Variants in PCSK5 observed in about 807,000 individuals in gnomAD.
The protein encoded by PCSK5 is proprotein convertase subtilisin/kexin type 5.
Under a neutral mutation model 233.2 loss-of-function variants are expected in PCSK5, and 129 were observed. That is an observed-to-expected ratio of 0.55 (90% CI 0.48 to 0.64). The LOEUF is 0.64. PCSK5 is among the 30% of genes least tolerant of loss of function. The probability of loss-of-function intolerance (pLI) is 0.00; values close to 1 mark genes in which losing one functional copy is unlikely to be tolerated. For missense variants in PCSK5, 2,076 were observed against 2,430.1 expected (o/e 0.85, Z 3.06); for synonymous variants, 825 against 879.2 (o/e 0.94, Z 1.09).
chr9:76,139,047 C>G (rs1050937720), intron 10 of PCSK5, among the ~76,000 whole-genome samples: 2 of 151,992 alleles, frequency 1.3e-5, no homozygotes, highest in Non-Finnish European at 2.9e-5. Context: ...TCTTAGCCTC[C>G]GAGGCCTTAA....
chr9:76,035,340 A>G (rs1161385980), intron 5 of PCSK5, among the ~76,000 whole-genome samples: 1 of 152,206 alleles, frequency 6.6e-6, no homozygotes, highest in African/African-American at 2.4e-5. Context: ...TCGAATTCCT[A>G]TATACCTGTT....
chr9:76,345,581 G>C (rs1829957352), intron 35 of PCSK5, among the ~76,000 whole-genome samples: 1 of 151,842 alleles, frequency 6.6e-6, no homozygotes, highest in Admixed American at 6.6e-5. Context: ...GCCACGACCT[G>C]CTAATTTTTT....
chr9:76,162,307 T>C lies in PCSK5; in HGVS notation c.1619+3136T>C, dbSNP rs561979609. Among the ~76,000 whole-genome samples, 4 of 152,234 alleles carry C rather than the reference T, an allele frequency of 2.6e-5. No individual in the cohort carries two copies. The East Asian group carries it at 7.7e-4, about 29-fold the overall frequency. On this transcript the variant is annotated intron_variant, in intron 12 of 37. Coordinates refer to ENST00000674117, the MANE Select transcript of PCSK5 (RefSeq NM_001372043.1). ...CTTTTGGCACTCTATCCATCTGGAG[T>C]ATTCTGAAGCTTTCATTTCATTAGA...
intron 2 of PCSK5, among the ~76,000 whole-genome samples, chr9:75,984,417 T>A (rs1417416116): frequency 1.3e-5 from 2 of 152,182 alleles, no homozygotes; most frequent in Non-Finnish European, 2.9e-5. Context: ...AATTTATGAA[T>A]GCTTCATTAG....
intron 7 of PCSK5, among the ~76,000 whole-genome samples, chr9:76,080,709 A>G (rs1830803753): frequency 6.6e-6 from 1 of 152,174 alleles, no homozygotes; most frequent in African/African-American, 2.4e-5. Context: ...GTTTGTTTCT[A>G]TATTAAAATG....
chr9:76,290,170 G>A (rs1828234076), intron 24 of PCSK5, among the ~76,000 whole-genome samples: 2 of 152,174 alleles, frequency 1.3e-5, no homozygotes, highest in African/African-American at 4.8e-5. Context: ...TTTAGAAACT[G>A]AAAAGAATAT....
Position 76,354,062 on chromosome 9 carries a change from C to A in PCSK5, c.5097C>A (p.His1699Gln), listed in dbSNP as rs746839814. 6.2e-7 allele frequency: 1 copy of A among 1,609,796 alleles called. No individual in the cohort carries two copies. Among genetic ancestry groups the A allele is most frequent in the African/African-American group, 1.3e-5 (1 of 75,012 alleles). The change falls in exon 37 of 38, where the codon CAC becomes CAA. Residue 1699 changes from histidine (H) to glutamine (Q), a missense_variant. Transcript: ENST00000674117. Reference sequence around the variant, plus strand: ...AGAAGTTTAACTGTGAAAAATGCCACGAGAGCTGCATGGAATGCAAGGGAC... The same window carrying A: ...AGAAGTTTAACTGTGAAAAATGCCAAGAGAGCTGCATGGAATGCAAGGGAC... Reference protein sequence around the residue: ...EGEKFNCEKCHESCMECKGPG... With the variant: ...EGEKFNCEKCQESCMECKGPG...
chr9:76,075,224 A>AAATAATAATAATAATAAT (rs145167571), intron 7 of PCSK5, among the ~76,000 whole-genome samples: 10 of 150,574 alleles, frequency 6.6e-5, no homozygotes, highest in African/African-American at 2.5e-4. Flanking sequence ...CGTCTCAATA[A>AAATAATAATAATAATAAT]AATAATAATA....
At chr9:76,187,801 A>ACTAT (rs1466731134) in intron 17 of PCSK5, among the ~76,000 whole-genome samples, 15 of 152,206 alleles carry the variant, frequency 9.9e-5, no homozygotes, top group Non-Finnish European at 2.2e-4. Flanking sequence ...CTCATTAAAT[A>ACTAT]CTATCTCATA....
At position 76,107,339 on chromosome 9, in the gene PCSK5, C is replaced by T; in HGVS notation, c.1196C>T (p.Ala399Val). 6.2e-7 allele frequency: 1 copy of T among 1,612,190 alleles called. No homozygotes were observed. Among genetic ancestry groups the T allele is most frequent in the Non-Finnish European group, 8.5e-7 (1 of 1,178,542 alleles). Residue 399 changes from alanine (A) to valine (V), a missense_variant, in exon 9 of 38, where the codon GCC becomes GTC. Transcript: ENST00000674117. ...ATGGCTGCAGGCATCATTGCGCTGG[C>T]CCTGGAAGCCAAGTAAGCCTTGATC... ...APMAAGIIAL[A>V]LEANPFLTWR...
chr9:76,358,036 T>A (rs556982701), intron 37 of PCSK5, among the ~76,000 whole-genome samples: 3 of 152,270 alleles, frequency 2.0e-5, no homozygotes, highest in Admixed American at 2.0e-4. Flanking sequence ...AATAGAAGAA[T>A]CAGTTGATAA....
intron 2 of PCSK5, among the ~76,000 whole-genome samples, chr9:75,958,752 T>C (rs1233191713): frequency 6.6e-6 from 1 of 152,246 alleles, no homozygotes; most frequent in African/African-American, 2.4e-5. Flanking sequence ...AGTGAAAGTT[T>C]CCTTCTGTAT....
At chr9:75,901,890 TCTCATGAATGTTCAGGA>T (rs1470364635) in intron 1 of PCSK5, among the ~76,000 whole-genome samples, 2 of 152,070 alleles carry the variant, frequency 1.3e-5, no homozygotes, top group Non-Finnish European at 2.9e-5. Context: ...TTTGTGCCTT[TCTCATGAATGTTCAGGA>T]GCCTGAGATT....
chr9:75,912,515 T>G (rs76402059), intron 1 of PCSK5, among the ~76,000 whole-genome samples: 2,746 of 152,268 alleles, frequency 0.018, 39 homozygotes, highest in South Asian at 0.036. Context: ...GGCTGGAGAT[T>G]CAGCATTTCT....
chr9:75,895,824 G>A (rs1825777799), intron 1 of PCSK5, among the ~76,000 whole-genome samples: 1 of 152,180 alleles, frequency 6.6e-6, no homozygotes, highest in Non-Finnish European at 1.5e-5. Context: ...GGAGAACTTT[G>A]TTCAGAGATG....
At position 76,133,809 on chromosome 9, in the gene PCSK5, A is replaced by G. The variant is rs377676674; in HGVS notation, c.1209-300A>G. On this transcript the variant is annotated intron_variant, in intron 9 of 37. Transcript: ENST00000674117. ...AAGGATGACAGCACCATAGTAGGCA[A>G]CCATTTTGTTGAGGAAACCGGAAAC... 3.4e-4 allele frequency among the ~76,000 whole-genome samples: 51 copies of G among 152,124 alleles called. 1 individual carries two copies. The South Asian group carries it at 0.01, about 31-fold the overall frequency.
At chr9:75,939,424 G>A (rs1824200946) in intron 2 of PCSK5, among the ~76,000 whole-genome samples, 1 of 152,126 alleles carries the variant, frequency 6.6e-6, no homozygotes, top group African/African-American at 2.4e-5. Flanking sequence ...AATAGTCTGA[G>A]TTCACGTTTT....
intron 17 of PCSK5, among the ~76,000 whole-genome samples, chr9:76,185,475 C>T (rs1393935676): frequency 1.3e-5 from 2 of 152,152 alleles, no homozygotes; most frequent in Non-Finnish European, 2.9e-5. Flanking sequence ...TTTATTTCCA[C>T]CTGTGATTGG....
chr9:76,097,289 G>T, intron 8 of PCSK5, among the ~76,000 whole-genome samples: 1 of 102,516 alleles, frequency 9.8e-6, no homozygotes, highest in Admixed American at 1.5e-4. Context: ...GTCTCGCTCT[G>T]TCGCCCAGGC....
Sources: gnomAD v4.1 joint callset for allele counts (sites outside exome capture counted in the v4.1 genomes callset) on GRCh38, gnomAD v4.1.1 for gene constraint, MANE v1.5 for transcripts, NCBI Gene and HGNC (gene_info 2026-07-23, HGNC 2026-07-21) for gene names.